SNTG1: variants seen among roughly 807,000 people sequenced by gnomAD.
The protein encoded by SNTG1 is syntrophin gamma 1.
A neutral mutation model predicts 74.7 loss-of-function variants in SNTG1; 39 were observed. That is an observed-to-expected ratio of 0.52 (90% CI 0.40 to 0.68). The LOEUF (loss-of-function observed/expected upper bound fraction) is 0.68, where lower values mean the gene tolerates loss of function less well. Among genes scored for constraint, SNTG1 ranks in the 30% least tolerant of loss-of-function variants. The pLI, the probability that SNTG1 is intolerant of heterozygous loss-of-function variation, is 0.00. For missense variants in SNTG1, 685 were observed against 609.5 expected (o/e 1.12, Z -1.30); for synonymous variants, 254 against 217.1 (o/e 1.17, Z -1.49).
chr8:50,042,908 T>C lies in SNTG1; in HGVS notation c.-102-129653T>C, dbSNP rs573074671. ...TATGGCTCGTTGCCAATTTTACCAATAATTGTCTATTTAGCAATTAAAGCA... is the reference window on the plus strand; with the variant it reads ...TATGGCTCGTTGCCAATTTTACCAACAATTGTCTATTTAGCAATTAAAGCA... On this transcript the variant is annotated intron_variant, in intron 1 of 18. Coordinates refer to ENST00000642720, the MANE Select transcript of SNTG1 (RefSeq NM_018967.5). Among the ~76,000 whole-genome samples the C allele has an allele frequency of 1.2e-4, 19 of 152,340 alleles. 2 individuals carry two copies. Among genetic ancestry groups the C allele is most frequent in the African/African-American group, 4.6e-4 (19 of 41,570 alleles).
Position 50,633,485 on chromosome 8 carries a change from T to C in SNTG1, c.850-23424T>C, listed in dbSNP as rs567664942. Among the ~76,000 whole-genome samples the C allele has an allele frequency of 3.3e-5, 5 of 152,328 alleles. No homozygotes were observed. In the East Asian group the frequency reaches 9.6e-4, roughly 29 times the overall value. ...GAGAGAACAGGTGCATAAAGCTTCC[T>C]AAAGATGGATAACAAGGGCTGTGCT... On this transcript the variant is annotated intron_variant, in intron 13 of 18. Coordinates refer to ENST00000642720, the MANE Select transcript of SNTG1 (RefSeq NM_018967.5).
intron 13 of SNTG1, among the ~76,000 whole-genome samples, chr8:50,655,277 G>A (rs2095172880): frequency 6.6e-6 from 1 of 151,976 alleles, no homozygotes. Context: ...ATTAAACTAA[G>A]TCATAGTTTT....
intron 2 of SNTG1, among the ~76,000 whole-genome samples, chr8:50,284,727 T>C (rs1483580862): frequency 6.6e-6 from 1 of 152,076 alleles, no homozygotes; most frequent in East Asian, 1.9e-4. Flanking sequence ...ACTGACAGAG[T>C]AAAGAACATA....
intron 2 of SNTG1, among the ~76,000 whole-genome samples, chr8:50,324,008 T>A (rs2090634299): frequency 1.3e-5 from 2 of 152,206 alleles, no homozygotes; most frequent in South Asian, 2.1e-4. Flanking sequence ...CTAACCCACC[T>A]GCTCTAAGCC....
chr8:50,546,393 T>C (rs962849127), intron 11 of SNTG1, among the ~76,000 whole-genome samples: 3 of 152,056 alleles, frequency 2.0e-5, no homozygotes, highest in Admixed American at 6.6e-5. Context: ...TTTATTATTA[T>C]TATTATACTT....
chr8:50,434,913 C>A lies in SNTG1; in HGVS notation c.163-3630C>A, dbSNP rs538854723. Among the ~76,000 whole-genome samples the A allele has an allele frequency of 2.0e-5, 3 of 152,134 alleles. No individual in the cohort carries two copies. The South Asian group carries it at 6.2e-4, about 32-fold the overall frequency. ...TTTCCAATGATAATCTCTTTAGTTT[C>A]TGCATGATTTCCACTTCTTCCTAAC... On this transcript the variant is annotated intron_variant, in intron 4 of 18. Transcript: ENST00000642720.
At chr8:50,440,645 T>C (rs2093349789) in intron 5 of SNTG1, among the ~76,000 whole-genome samples, 1 of 152,202 alleles carries the variant, frequency 6.6e-6, no homozygotes, top group South Asian at 2.1e-4. Context: ...AGTATGCATA[T>C]AAATACATAA....
At chr8:50,608,692 C>T (rs2094830016) in intron 13 of SNTG1, among the ~76,000 whole-genome samples, 1 of 151,784 alleles carries the variant, frequency 6.6e-6, no homozygotes, top group Admixed American at 6.6e-5. Context: ...GTGTTTCAGT[C>T]AATCACATTT....
At position 50,043,810 on chromosome 8, in the gene SNTG1, C is replaced by T. The variant is rs534870017; in HGVS notation, c.-102-128751C>T. Among the ~76,000 whole-genome samples the T allele has an allele frequency of 5.1e-4, 78 of 152,250 alleles. No homozygotes were observed. The Middle Eastern group carries it at 0.01, about 20-fold the overall frequency. On this transcript the variant is annotated intron_variant, in intron 1 of 18. Coordinates refer to ENST00000642720, the MANE Select transcript of SNTG1 (RefSeq NM_018967.5). ...GCACTCTTGTGCGTGCACACACATA[C>T]ACACACACACCAAAAACAGCAATGT... is the stretch of plus-strand genomic sequence containing the variant.
intron 4 of SNTG1, among the ~76,000 whole-genome samples, chr8:50,437,803 G>A (rs569551204): frequency 6.6e-6 from 1 of 152,178 alleles, no homozygotes. Flanking sequence ...CCCAAAATCA[G>A]AGCAGTATCG....
chr8:50,350,560 T>C (rs2091625496), intron 2 of SNTG1, among the ~76,000 whole-genome samples: 1 of 151,188 alleles, frequency 6.6e-6, no homozygotes, highest in Admixed American at 6.6e-5. Flanking sequence ...GGTGGGGACT[T>C]GGAGAACCTT....
At chr8:50,525,210 T>C (rs1008205977) in intron 9 of SNTG1, among the ~76,000 whole-genome samples, 1 of 152,200 alleles carries the variant, frequency 6.6e-6, no homozygotes, top group Non-Finnish European at 1.5e-5. Flanking sequence ...CCCACTCCTT[T>C]CTCCCTATAA....
chr8:49,935,111 T>C (rs1807939257), intron 1 of SNTG1, among the ~76,000 whole-genome samples: 1 of 151,848 alleles, frequency 6.6e-6, no homozygotes, highest in South Asian at 2.1e-4. Context: ...CAAACAGTTG[T>C]AGGAAGCATT....
At chr8:50,052,988 AC>A (rs1819703196) in intron 1 of SNTG1, among the ~76,000 whole-genome samples, 1 of 152,138 alleles carries the variant, frequency 6.6e-6, no homozygotes, top group Non-Finnish European at 1.5e-5. Context: ...CAGCTGCCTT[AC>A]AAAACCTTTG....
intron 2 of SNTG1, among the ~76,000 whole-genome samples, chr8:50,191,571 A>C (rs2083579388): frequency 6.6e-6 from 1 of 152,148 alleles, no homozygotes; most frequent in South Asian, 2.1e-4. Context: ...GTTTTTTAAA[A>C]AAATAAACTT....
At chr8:50,052,436 T>C (rs991530940) in intron 1 of SNTG1, among the ~76,000 whole-genome samples, 1 of 152,132 alleles carries the variant, frequency 6.6e-6, no homozygotes, top group Non-Finnish European at 1.5e-5. Context: ...AAATGCATTA[T>C]GCACTTAAAT....
chr8:50,114,014 G>A (rs540076323), intron 1 of SNTG1, among the ~76,000 whole-genome samples: 4 of 152,074 alleles, frequency 2.6e-5, no homozygotes, highest in African/African-American at 7.2e-5. Flanking sequence ...ACAAAACGAC[G>A]TTTGACAAGA....
chr8:50,082,316 CTTGT>C (rs1407405236), intron 1 of SNTG1, among the ~76,000 whole-genome samples: 1 of 152,066 alleles, frequency 6.6e-6, no homozygotes, highest in African/African-American at 2.4e-5. Context: ...TGGTTACACT[CTTGT>C]TTCTTTTTAC....
chr8:49,939,769 C>T (rs141386228), intron 1 of SNTG1, among the ~76,000 whole-genome samples: 2 of 152,228 alleles, frequency 1.3e-5, no homozygotes, highest in Non-Finnish European at 2.9e-5. Flanking sequence ...AGCAAAGGCC[C>T]ACCCTCAATT....
Sources: gnomAD v4.1 joint callset for allele counts (sites outside exome capture counted in the v4.1 genomes callset) on GRCh38, gnomAD v4.1.1 for gene constraint, MANE v1.5 for transcripts, NCBI Gene and HGNC (gene_info 2026-07-23, HGNC 2026-07-21) for gene names.